RSBN1: variants seen among roughly 807,000 people sequenced by gnomAD.
The protein encoded by RSBN1 is lysine-specific demethylase 9.
A neutral mutation model predicts 74.8 loss-of-function variants in RSBN1; 23 were observed. The ratio of observed to expected loss-of-function variants is 0.31; its 90% CI spans 0.22 to 0.44. The LOEUF (loss-of-function observed/expected upper bound fraction) is 0.44. Among genes scored for constraint, RSBN1 ranks in the 20% least tolerant of loss-of-function variants. The pLI is 1.00. For missense variants in RSBN1, 808 were observed against 1,020.9 expected (o/e 0.79, Z 2.84); for synonymous variants, 407 against 379.6 (o/e 1.07, Z -0.84).
chr1:113,811,589 G>C (rs1412496614), intron 1 of RSBN1, 121 bp downstream of exon 1: 1 of 1,419,320 alleles, frequency 7.0e-7, no homozygotes, highest in African/African-American at 1.5e-5. Flanking sequence ...ACCCCAGTGA[G>C]CTTAGAGAAG....
In RSBN1 at chr1:113,793,315, G is replaced by A. The variant is rs547421306; in HGVS notation, c.1377+4048C>T. 8.5e-5 allele frequency among the ~76,000 whole-genome samples: 13 copies of A among 152,234 alleles called. No homozygotes were observed. The South Asian group carries it at 2.1e-3, about 24-fold the overall frequency. On this transcript the variant is annotated intron_variant, in intron 2 of 6. Coordinates refer to ENST00000261441, the MANE Select transcript of RSBN1 (RefSeq NM_018364.5). ...TTTACAATAGTATTTACCTGTCCAC[G>A]GTTTGCAAAGCACTAATCTTGATCA...
chr1:113,796,891 C>A (rs1181354253), intron 2 of RSBN1, among the ~76,000 whole-genome samples: 1 of 152,158 alleles, frequency 6.6e-6, no homozygotes, highest in African/African-American at 2.4e-5. Flanking sequence ...AATGACACTT[C>A]CAAGTCACAT....
At position 113,812,197 on chromosome 1, in the gene RSBN1, C is replaced by A; in HGVS notation, c.216G>T (p.Gly72=). 6.2e-7 allele frequency: 1 copy of A among 1,608,388 alleles called. No individual in the cohort carries two copies. Among genetic ancestry groups the A allele is most frequent in the Non-Finnish European group, 8.5e-7 (1 of 1,179,872 alleles). The part of the protein sequence containing the change: ...VAAQEEPDKE[G]KEKPHAGVSP... ...AGACCCCAGCATGAGGTTTCTCCTT[C>A]CCCTCTTTGTCCGGCTCCTCCTGCG... is the stretch of plus-strand genomic sequence containing the variant. Residue 72 remains glycine, a synonymous_variant, in exon 1 of 7, where the codon GGG becomes GGT. Coordinates refer to ENST00000261441, the MANE Select transcript of RSBN1 (RefSeq NM_018364.5).
At chr1:113,786,573 A>G (rs1363746550) in intron 2 of RSBN1, among the ~76,000 whole-genome samples, 2 of 152,210 alleles carry the variant, frequency 1.3e-5, no homozygotes, top group Non-Finnish European at 2.9e-5. Context: ...AAGGGGCCAC[A>G]AGCTAGGAAA....
intron 1 of RSBN1, among the ~76,000 whole-genome samples, chr1:113,807,312 T>TA (rs1243663639): frequency 1.8e-5 from 2 of 112,028 alleles, no homozygotes; most frequent in East Asian, 5.1e-4. Flanking sequence ...AGAATCCATC[T>TA]CAAAAAAAAA....
chr1:113,775,338 CTCT>C (rs777153623), intron 4 of RSBN1, among the ~76,000 whole-genome samples: 2 of 142,824 alleles, frequency 1.4e-5, no homozygotes, highest in Non-Finnish European at 3.1e-5. Flanking sequence ...CTTCTTTCTA[CTCT>C]TCTTTTTTTT....
chr1:113,768,419 G>A, intron 4 of RSBN1, 30 bp from the exon 5 acceptor site: 2 of 1,533,872 alleles, frequency 1.3e-6, no homozygotes, highest in Non-Finnish European at 1.8e-6. Flanking sequence ...TAAACAAAGG[G>A]TAAGCAAGGA....
At chr1:113,786,003 C>A (rs1660235746) in intron 2 of RSBN1, among the ~76,000 whole-genome samples, 1 of 151,986 alleles carries the variant, frequency 6.6e-6, no homozygotes, top group East Asian at 1.9e-4. Flanking sequence ...CAGAGGGGCA[C>A]AAAAAGTAAA....
At chr1:113,769,509 G>A (rs1422917489) in intron 4 of RSBN1, among the ~76,000 whole-genome samples, 1 of 152,164 alleles carries the variant, frequency 6.6e-6, no homozygotes, top group Admixed American at 6.6e-5. Context: ...GTTGACAGCT[G>A]TTGATTGTAT....
At position 113,766,274 on chromosome 1, in the gene RSBN1, G is replaced by T; in HGVS notation, c.2115C>A (p.His705Gln). The change falls in exon 7 of 7, where the codon CAC becomes CAA. Residue 705 changes from histidine to glutamine, a missense_variant. By Grantham distance (24) the His-to-Gln change is conservative. Coordinates refer to ENST00000261441, the MANE Select transcript of RSBN1 (RefSeq NM_018364.5). ...TGTTTTGAGTGGCTTCCACAACAGG[G>T]TGGTACTGTTTAAGCCTTATATGCC... ...LAWHIRLKQY[H>Q]PVVEATQNTE... 6.2e-7 allele frequency: 1 copy of T among 1,614,084 alleles called. No individual in the cohort carries two copies. The highest frequency in any genetic ancestry group is 8.5e-7 in the Non-Finnish European group (1 of 1,179,966).
rs985123269 is a variant in RSBN1, at chr1:113,811,580, C to A, written c.703+130G>T. On this transcript the variant is annotated intron_variant, in intron 1 of 6. Coordinates refer to ENST00000261441, the MANE Select transcript of RSBN1 (RefSeq NM_018364.5). ...TCAACGATCTGAAATCCAGGGTCCA[C>A]CCCAGTGAGCTTAGAGAAGTACAGC... is the stretch of plus-strand genomic sequence containing the variant. 7.3e-6 allele frequency: 10 copies of A among 1,377,314 alleles called. No homozygotes were observed. The African/African-American group carries it at 1.3e-4, about 18-fold the overall frequency. 85.3% of individuals were successfully genotyped at this position (1,377,314 alleles called of 1,614,324 possible). A position where few individuals can be genotyped will look rare whatever the true frequency, so the allele number is the denominator to read the frequency against.
rs769254536 is a variant in RSBN1 at position 113,812,147 on chromosome 1, C to T, written c.266G>A (p.Arg89His). Reference protein sequence around the residue: ...GVSPRGVKRQRRSSSGGSQEK... With the variant: ...GVSPRGVKRQHRSSSGGSQEK... ...CTGAGACCCCCCACTGCTAGATCGG[C>T]GCTGCCGTTTAACTCCCCGCGGGGA... is the stretch of plus-strand genomic sequence containing the variant. The change falls in exon 1 of 7, where the codon CGC becomes CAC. Residue 89 changes from arginine (R) to histidine (H), a missense_variant. Around this residue, in one of 6 missense-constraint regions of RSBN1, gnomAD observed 464 missense variants for 401.0 expected, o/e 1.16. Coordinates refer to ENST00000261441, the MANE Select transcript of RSBN1 (RefSeq NM_018364.5). The T allele has an allele frequency of 1.9e-6, 3 of 1,609,840 alleles. No homozygotes were observed. The highest frequency in any genetic ancestry group is 2.5e-6 in the Non-Finnish European group (3 of 1,179,800).
At chr1:113,782,271 A>T (rs1660153410) in intron 2 of RSBN1, among the ~76,000 whole-genome samples, 1 of 152,218 alleles carries the variant, frequency 6.6e-6, no homozygotes, top group Non-Finnish European at 1.5e-5. Context: ...AAAGTACATA[A>T]CATTTACAGA....
At chr1:113,795,045 T>A (rs1486725749) in intron 2 of RSBN1, among the ~76,000 whole-genome samples, 1 of 152,246 alleles carries the variant, frequency 6.6e-6, no homozygotes, top group African/African-American at 2.4e-5. Flanking sequence ...AAGTCCACAC[T>A]GCCCTAGGTA....
chr1:113,769,131 T>C (rs1659839267), intron 4 of RSBN1, among the ~76,000 whole-genome samples: 1 of 152,150 alleles, frequency 6.6e-6, no homozygotes, highest in African/African-American at 2.4e-5. Flanking sequence ...GTCCATGACT[T>C]CACTTTGTAC....
Position 113,797,855 on chromosome 1 carries a change from T to C in RSBN1, c.885A>G (p.Gln295=). The C allele has an allele frequency of 6.2e-7, 1 of 1,614,104 alleles. No individual in the cohort carries two copies. Among genetic ancestry groups the C allele is most frequent in the Non-Finnish European group, 8.5e-7 (1 of 1,179,966 alleles). The change falls in exon 2 of 7, where the codon CAA becomes CAG. Residue 295 remains glutamine, a synonymous_variant. Coordinates refer to ENST00000261441, the MANE Select transcript of RSBN1 (RefSeq NM_018364.5). ...LTRISKEILT[Q]GQINSTSGLN... is the part of the protein sequence containing the mutation. ...GTCCTGAAGTGCTATTTATTTGTCC[T>C]TGGGTGAGAATTTCTTTACTGATGC...
intron 4 of RSBN1, among the ~76,000 whole-genome samples, chr1:113,775,248 C>T (rs1487019762): frequency 6.6e-6 from 1 of 152,120 alleles, no homozygotes; most frequent in African/African-American, 2.4e-5. Context: ...TGGTCTCGAA[C>T]TCCTGACCTC....
chr1:113,809,781 A>G (rs1242371966), intron 1 of RSBN1, among the ~76,000 whole-genome samples: 1 of 152,252 alleles, frequency 6.6e-6, no homozygotes, highest in Non-Finnish European at 1.5e-5. Context: ...GCCACTAGCC[A>G]TATGTGACTA....
At chr1:113,769,592 C>T (rs866128612) in intron 4 of RSBN1, among the ~76,000 whole-genome samples, 32 of 151,936 alleles carry the variant, frequency 2.1e-4, no homozygotes, top group Non-Finnish European at 1.5e-4. Flanking sequence ...ATATAATAAT[C>T]TAAAGATGAT....
Sources: gnomAD v4.1 joint callset for allele counts (sites outside exome capture counted in the v4.1 genomes callset) on GRCh38, gnomAD v4.1.1 for gene constraint, gnomAD v4.1.1 regional missense constraint, MANE v1.5 for transcripts, NCBI Gene and HGNC (gene_info 2026-07-23, HGNC 2026-07-21) for gene names.